ALCAM: variants seen among roughly 807,000 people sequenced by gnomAD.
ALCAM encodes activated leukocyte cell adhesion molecule.
In ALCAM, 30 loss-of-function variants were observed where a neutral mutation model predicts 70.9. The ratio of observed to expected loss-of-function variants is 0.42; its 90% CI spans 0.32 to 0.57. ALCAM has a LOEUF of 0.57. Ranked by LOEUF, ALCAM falls within the 20% of genes least tolerant of loss-of-function variation. ALCAM has a pLI of 0.11. For synonymous variants in ALCAM, 249 were observed against 242.5 expected, an observed-to-expected ratio of 1.03 and a Z score of -0.25; for missense variants, 591 against 695.1, an observed-to-expected ratio of 0.85 and a Z score of 1.68.
In ALCAM at chr3:105,524,648, C is replaced by T. The variant is rs995259030; in HGVS notation, c.394+140C>T. On this transcript the variant is annotated intron_variant, in intron 3 of 15. Transcript: ENST00000306107. ...AAGGGGACTTAAAGAGATCTTCATT[C>T]TGCTCATATATACTATCAGCAAAGA... 5 of 1,420,202 alleles carry T rather than the reference C, an allele frequency of 3.5e-6. No homozygotes were observed. In the African/African-American group the frequency reaches 7.2e-5, roughly 20 times the overall value. The allele number at this position is 1,420,202 out of a possible 1,614,324, so 88.0% of individuals were successfully genotyped here. A position where few individuals can be genotyped will look rare whatever the true frequency, so the allele number is the denominator to read the frequency against.
At chr3:105,423,556 T>G (rs1936721068) in intron 1 of ALCAM, among the ~76,000 whole-genome samples, 2 of 151,380 alleles carry the variant, frequency 1.3e-5, no homozygotes, top group African/African-American at 4.8e-5. Context: ...CTGTTCAATG[T>G]GTTTCTGCCT....
intron 1 of ALCAM, among the ~76,000 whole-genome samples, chr3:105,499,607 C>T (rs183978517): frequency 1.3e-5 from 2 of 152,288 alleles, no homozygotes; most frequent in East Asian, 1.9e-4. Context: ...TGTCTTTCTA[C>T]ATACAAATTA....
intron 14 of ALCAM, among the ~76,000 whole-genome samples, chr3:105,570,910 T>C (rs1023840314): frequency 9.2e-5 from 14 of 152,138 alleles, no homozygotes; most frequent in African/African-American, 2.7e-4. Flanking sequence ...TGGTCTGCAA[T>C]TGTCTCTTAT....
At chr3:105,563,926 A>G (rs1940687717) in intron 14 of ALCAM, among the ~76,000 whole-genome samples, 1 of 150,942 alleles carries the variant, frequency 6.6e-6, no homozygotes, top group African/African-American at 2.4e-5. Flanking sequence ...TGACCTCATG[A>G]TCCACCCGCC....
At chr3:105,473,389 T>A (rs1375885389) in intron 1 of ALCAM, among the ~76,000 whole-genome samples, 1 of 151,566 alleles carries the variant, frequency 6.6e-6, no homozygotes. Flanking sequence ...TCTACCAGCA[T>A]GATCTTACTT....
intron 1 of ALCAM, among the ~76,000 whole-genome samples, chr3:105,368,977 G>A (rs926249388): frequency 5.3e-5 from 8 of 152,174 alleles, no homozygotes; most frequent in Admixed American, 1.3e-4. Context: ...GAGGTAGGTG[G>A]AAAGGCGAGA....
chr3:105,387,270 G>A (rs1357529109), intron 1 of ALCAM, among the ~76,000 whole-genome samples: 1 of 150,772 alleles, frequency 6.6e-6, no homozygotes, highest in East Asian at 1.9e-4. Context: ...ACACAATCAA[G>A]AAACCATCAA....
At chr3:105,522,135 C>G (rs1939560915) in intron 2 of ALCAM, among the ~76,000 whole-genome samples, 3 of 152,154 alleles carry the variant, frequency 2.0e-5, no homozygotes, top group Admixed American at 1.3e-4. Context: ...AGTTAGTAAA[C>G]CCAGGGAGTA....
chr3:105,537,361 A>G (rs1489894731), intron 6 of ALCAM, among the ~76,000 whole-genome samples: 1 of 152,100 alleles, frequency 6.6e-6, no homozygotes, highest in Non-Finnish European at 1.5e-5. Flanking sequence ...TCACCCCCAA[A>G]TAAACTGCCC....
At chr3:105,469,182 T>A (rs1463805928) in intron 1 of ALCAM, among the ~76,000 whole-genome samples, 1 of 151,342 alleles carries the variant, frequency 6.6e-6, no homozygotes, top group Admixed American at 6.6e-5. Context: ...TTTTTTGTTG[T>A]TGATACTTGT....
At chr3:105,383,145 A>T (rs1458731423) in intron 1 of ALCAM, among the ~76,000 whole-genome samples, 3 of 151,698 alleles carry the variant, frequency 2.0e-5, no homozygotes, top group African/African-American at 7.3e-5. Context: ...TTCAGAACAC[A>T]GTTTATATGC....
At chr3:105,404,965 A>G (rs1265827467) in intron 1 of ALCAM, among the ~76,000 whole-genome samples, 1 of 152,058 alleles carries the variant, frequency 6.6e-6, no homozygotes, top group Non-Finnish European at 1.5e-5. Flanking sequence ...ACAAACTTTA[A>G]AGCAACAGCA....
At chr3:105,388,352 A>G (rs1241408709) in intron 1 of ALCAM, among the ~76,000 whole-genome samples, 1 of 151,578 alleles carries the variant, frequency 6.6e-6, no homozygotes, top group Non-Finnish European at 1.5e-5. Context: ...CTGTCCCACA[A>G]CAAAAACAAA....
At chr3:105,546,335 G>A (rs992394663) in intron 9 of ALCAM, among the ~76,000 whole-genome samples, 3 of 151,292 alleles carry the variant, frequency 2.0e-5, no homozygotes, top group Non-Finnish European at 4.4e-5. Context: ...AAATTATTTT[G>A]TATTGCTTTA....
intron 1 of ALCAM, among the ~76,000 whole-genome samples, chr3:105,512,308 A>G (rs2152620244): frequency 6.6e-6 from 1 of 151,686 alleles, no homozygotes; most frequent in East Asian, 1.9e-4. Flanking sequence ...ATTACTTCAG[A>G]TGATTCAATT....
intron 1 of ALCAM, among the ~76,000 whole-genome samples, chr3:105,517,225 T>C (rs1939407923): frequency 6.6e-6 from 1 of 152,106 alleles, no homozygotes; most frequent in Non-Finnish European, 1.5e-5. Context: ...GGAGTCAGTA[T>C]ACTCTCACAA....
Position 105,552,596 on chromosome 3 carries a change from G to A in ALCAM, c.1664+11G>A. On this transcript the variant is annotated intron_variant, in intron 14 of 15. Transcript: ENST00000306107. ...CATGAAGAAGTCAAAGTGAGTTGTG[G>A]AAAAAAGATCTTCATCGTTCATTGA... The A allele has an allele frequency of 6.2e-7, 1 of 1,610,542 alleles. No individual in the cohort carries two copies. The highest frequency in any genetic ancestry group is 8.5e-7 in the Non-Finnish European group (1 of 1,177,680).
intron 1 of ALCAM, among the ~76,000 whole-genome samples, chr3:105,481,747 T>C (rs1012841719): frequency 3.3e-5 from 5 of 152,158 alleles, no homozygotes; most frequent in Admixed American, 6.6e-5. Context: ...GGTTTTCTTT[T>C]TTGGAGGAAA....
At chr3:105,530,541 A>G (rs1243825470) in intron 3 of ALCAM, among the ~76,000 whole-genome samples, 3 of 151,366 alleles carry the variant, frequency 2.0e-5, no homozygotes, top group South Asian at 2.1e-4. Flanking sequence ...GTGTCTTCCT[A>G]TTTTTCTATA....
Sources: gnomAD v4.1 joint callset for allele counts (sites outside exome capture counted in the v4.1 genomes callset) on GRCh38, gnomAD v4.1.1 for gene constraint, MANE v1.5 for transcripts, NCBI Gene and HGNC (gene_info 2026-07-23, HGNC 2026-07-21) for gene names.